The following FRMD4B variants were observed in gnomAD, a reference collection of about 807,000 sequenced individuals.
FRMD4B encodes FERM domain containing 4B.
In FRMD4B, 74 loss-of-function variants were observed where a neutral mutation model predicts 141.5. The ratio of observed to expected loss-of-function variants is 0.52; its 90% CI spans 0.43 to 0.63. The LOEUF is 0.63. FRMD4B is among the 30% of genes least tolerant of loss of function. The pLI is 0.00. For missense variants in FRMD4B, 1,366 were observed against 1,253.4 expected, an observed-to-expected ratio of 1.09 and a Z score of -1.36; for synonymous variants, 506 against 467.9, an observed-to-expected ratio of 1.08 and a Z score of -1.05.
rs191339673 is a variant in FRMD4B, at chr3:69,329,740, C to T, written c.163-16223G>A. On this transcript the variant is annotated intron_variant, in intron 1 of 22. Transcript: ENST00000398540. ...AGAGACGGGGTTTCACTATGTTGAC[C>T]AGGCTGGTCTCAAACTCCTGACCTC... is the stretch of plus-strand genomic sequence containing the variant. Among the ~76,000 whole-genome samples the T allele has an allele frequency of 8.6e-5, 13 of 151,592 alleles. No individual in the cohort carries two copies. The East Asian group carries it at 2.5e-3, about 29-fold the overall frequency.
intron 4 of FRMD4B, among the ~76,000 whole-genome samples, chr3:69,300,861 G>A (rs930678588): frequency 3.9e-5 from 6 of 152,192 alleles, no homozygotes; most frequent in Middle Eastern, 3.4e-3. Context: ...TCAGCCTCTG[G>A]AGTAGCTGGG....
intron 1 of FRMD4B, among the ~76,000 whole-genome samples, chr3:69,455,663 G>T (rs959062157): frequency 2.1e-4 from 32 of 152,230 alleles, no homozygotes; most frequent in African/African-American, 7.0e-4. Context: ...AAGTCAGTGA[G>T]ACCAAAAACC....
chr3:69,314,425 G>C (rs2107244587), intron 1 of FRMD4B, among the ~76,000 whole-genome samples: 1 of 151,548 alleles, frequency 6.6e-6, no homozygotes, highest in African/African-American at 2.4e-5. Flanking sequence ...TATTCAGGAG[G>C]CTAAGGCATG....
chr3:69,495,706 T>C (rs1706371142), intron 1 of FRMD4B, among the ~76,000 whole-genome samples: 1 of 151,994 alleles, frequency 6.6e-6, no homozygotes, highest in Non-Finnish European at 1.5e-5. Context: ...TGAGTAAATA[T>C]ATGTAAATAT....
intron 1 of FRMD4B, among the ~76,000 whole-genome samples, chr3:69,460,650 A>G (rs1705694564): frequency 6.6e-6 from 1 of 152,218 alleles, no homozygotes; most frequent in Admixed American, 6.5e-5. Context: ...CTCTGTCACA[A>G]CTACTCAGAC....
intron 21 of FRMD4B, 136 bp from the exon 22 acceptor site, chr3:69,176,792 A>G: frequency 3.2e-6 from 2 of 623,222 alleles, no homozygotes; most frequent in Non-Finnish European, 5.6e-6. Context: ...CAGAGTTCCT[A>G]TTCCAATTTA....
chr3:69,520,677 A>G (rs1209166739), intron 1 of FRMD4B, among the ~76,000 whole-genome samples: 2 of 152,040 alleles, frequency 1.3e-5, no homozygotes, highest in Non-Finnish European at 2.9e-5. Flanking sequence ...CCTGGTGGGT[A>G]GAAAATTCTA....
chr3:69,403,820 A>C (rs1337624951), intron 2 of FRMD4B, among the ~76,000 whole-genome samples: 1 of 151,996 alleles, frequency 6.6e-6, no homozygotes, highest in Non-Finnish European at 1.5e-5. Flanking sequence ...CACTCCCCCC[A>C]CCTCAACACA....
chr3:69,286,856 G>A (rs1473821859), intron 5 of FRMD4B, among the ~76,000 whole-genome samples: 1 of 152,226 alleles, frequency 6.6e-6, no homozygotes, highest in Non-Finnish European at 1.5e-5. Flanking sequence ...CCAGGCTGGA[G>A]TGCAGTGGCA....
intron 1 of FRMD4B, chr3:69,472,481 C>G (rs974428286): frequency 2.7e-6 from 1 of 374,492 alleles, no homozygotes; most frequent in Non-Finnish European, 5.3e-6. Context: ...GTTGTAGTTA[C>G]AACTGTTCTT....
intron 22 of FRMD4B, among the ~76,000 whole-genome samples, chr3:69,176,127 C>T (rs1372752748): frequency 6.6e-6 from 1 of 152,124 alleles, no homozygotes; most frequent in South Asian, 2.1e-4. Context: ...GGTGTCTGTG[C>T]AAGTAGTTCT....
At chr3:69,425,633 A>T (rs766575064) in intron 2 of FRMD4B, among the ~76,000 whole-genome samples, 4 of 152,232 alleles carry the variant, frequency 2.6e-5, no homozygotes, top group Non-Finnish European at 4.4e-5. Context: ...AAAGATTAAT[A>T]GTTCCATCTT....
chr3:69,442,119 G>T (rs1705351945), intron 1 of FRMD4B, among the ~76,000 whole-genome samples: 1 of 150,752 alleles, frequency 6.6e-6, no homozygotes, highest in Admixed American at 6.6e-5. Flanking sequence ...TTGAGATGGG[G>T]TCTCACTCTG....
chr3:69,386,573 G>A (rs1704261033), upstream of FRMD4B, among the ~76,000 whole-genome samples: 1 of 150,378 alleles, frequency 6.6e-6, no homozygotes, highest in Non-Finnish European at 1.5e-5. Context: ...GAGAGAGAGA[G>A]AAAAAAAAAA....
chr3:69,249,300 T>A, intron 6 of FRMD4B, 52 bp from the exon 7 acceptor site: 1 of 1,272,856 alleles, frequency 7.9e-7, no homozygotes, highest in Non-Finnish European at 1.1e-6. Flanking sequence ...TTTGTTAAGC[T>A]AAATGAGTTT....
chr3:69,182,295 A>G (rs535176398), intron 20 of FRMD4B, among the ~76,000 whole-genome samples: 6 of 152,356 alleles, frequency 3.9e-5, no homozygotes, highest in Non-Finnish European at 7.3e-5. Flanking sequence ...CATTTAGCAC[A>G]GCACTCACAA....
At chr3:69,406,744 T>C (rs1321262342) in intron 2 of FRMD4B, among the ~76,000 whole-genome samples, 2 of 152,050 alleles carry the variant, frequency 1.3e-5, no homozygotes, top group African/African-American at 4.8e-5. Flanking sequence ...TTTTTGTTTT[T>C]TTTTTAGAGA....
chr3:69,181,132 A>C lies in FRMD4B; in HGVS notation c.2618T>G (p.Leu873Arg). 1 of 1,613,924 alleles carries C rather than the reference A, an allele frequency of 6.2e-7. No individual in the cohort carries two copies. Among genetic ancestry groups the C allele is most frequent in the Non-Finnish European group, 8.5e-7 (1 of 1,179,866 alleles). Residue 873 changes from leucine to arginine, a missense_variant, in exon 21 of 23, where the codon CTC (leucine) becomes CGC (arginine). Transcript: ENST00000398540. ...TGCAGCAGCCTTCCTTGGCAGCCGG[A>C]GAGTTGCATATGGGTTATGGGGTAC... The part of the protein sequence containing the change: ...DRVPHNPYAT[L>R]RLPRKAAAKS...
intron 7 of FRMD4B, among the ~76,000 whole-genome samples, chr3:69,237,623 G>A (rs1353744230): frequency 6.6e-6 from 1 of 151,916 alleles, no homozygotes; most frequent in East Asian, 1.9e-4. Flanking sequence ...CGCCTTCATG[G>A]GGGTTCAGGT....
Sources: allele counts gnomAD v4.1 joint callset (sites outside exome capture counted in the v4.1 genomes callset), GRCh38; gene constraint gnomAD v4.1.1; transcripts MANE v1.5; gene names NCBI Gene and HGNC (gene_info 2026-07-23, HGNC 2026-07-21).